GRIA4: variants seen among roughly 807,000 people sequenced by gnomAD.
GRIA4 encodes the protein glutamate ionotropic receptor AMPA type subunit 4.
GRIA4 carries 34 observed loss-of-function variants against 104.0 expected under a neutral mutation model. The observed-to-expected ratio is 0.33, with a 90% CI of 0.25 to 0.44. GRIA4 has a LOEUF of 0.44. Ranked by LOEUF, GRIA4 falls within the 20% of genes least tolerant of loss-of-function variation. GRIA4 has a pLI of 1.00. For synonymous variants in GRIA4, 386 were observed against 381.9 expected, an observed-to-expected ratio of 1.01 and a Z score of -0.13; for missense variants, 750 against 1,096.5, an observed-to-expected ratio of 0.68 and a Z score of 4.46.
chr11:105,626,205 G>A (rs766069454), intron 3 of GRIA4, among the ~76,000 whole-genome samples: 1 of 151,886 alleles, frequency 6.6e-6, no homozygotes, highest in Non-Finnish European at 1.5e-5. Context: ...AAACATAAGG[G>A]CCGTGAAATC....
intron 3 of GRIA4, among the ~76,000 whole-genome samples, chr11:105,721,476 T>C (rs1937814384): frequency 6.6e-6 from 1 of 152,114 alleles, no homozygotes; most frequent in Non-Finnish European, 1.5e-5. Context: ...TGTTTTGTTG[T>C]TTACAAAAAT....
intron 4 of GRIA4, among the ~76,000 whole-genome samples, chr11:105,804,130 C>A (rs1942843277): frequency 6.6e-6 from 1 of 151,614 alleles, no homozygotes; most frequent in Admixed American, 6.6e-5. Flanking sequence ...AATCTAGTGG[C>A]TCTCATTTAT....
In GRIA4 at chr11:105,797,876, T is replaced by G. The variant is rs766663472; in HGVS notation, c.487+44656T>G. The G allele has an allele frequency of 3.2e-5, 14 of 438,282 alleles. No individual in the cohort carries two copies. The East Asian group carries it at 7.0e-4, about 22-fold the overall frequency. The allele number at this position is 438,282 out of a possible 1,614,324, so 27.1% of individuals were successfully genotyped here. On this transcript the variant is annotated intron_variant, in intron 4 of 16. Transcript: ENST00000282499. ...ACAGAGCTCAATGTATTTAATTACT[T>G]GATTGCTGATTCAAATTTAAACAAT...
chr11:105,742,551 C>A (rs531652220), intron 3 of GRIA4, among the ~76,000 whole-genome samples: 2 of 152,032 alleles, frequency 1.3e-5, no homozygotes, highest in African/African-American at 4.8e-5. Flanking sequence ...TATACACACA[C>A]ACACACACAT....
intron 4 of GRIA4, among the ~76,000 whole-genome samples, chr11:105,811,039 G>A (rs141517701): frequency 6.6e-6 from 1 of 152,218 alleles, no homozygotes; most frequent in Non-Finnish European, 1.5e-5. Flanking sequence ...TGCAAGATGA[G>A]TGGAGGGAGA....
At chr11:105,630,384 T>C (rs576084111) in intron 3 of GRIA4, among the ~76,000 whole-genome samples, 13 of 152,016 alleles carry the variant, frequency 8.6e-5, no homozygotes, top group Non-Finnish European at 1.5e-4. Context: ...ACTGACATGG[T>C]GAGACCCCGT....
chr11:105,803,734 G>A (rs1942820266), intron 4 of GRIA4, among the ~76,000 whole-genome samples: 1 of 151,196 alleles, frequency 6.6e-6, no homozygotes, highest in Non-Finnish European at 1.5e-5. Context: ...AGCTCCTAAT[G>A]ATCCTTGCTT....
rs190167874 is a variant in GRIA4 at position 105,884,978 on chromosome 11, C to T, written c.673-2541C>T. 1.6e-4 allele frequency among the ~76,000 whole-genome samples: 23 copies of T among 146,126 alleles called. No individual in the cohort carries two copies. In the East Asian group the frequency reaches 4.5e-3, roughly 28 times the overall value. ...GTGTTAAGAAATAAGAGGCAGGGTG[C>T]GGACAGGGGCTTAGAGAGAGTGCAA... On this transcript the variant is annotated intron_variant, in intron 5 of 16. Coordinates refer to ENST00000282499, the MANE Select transcript of GRIA4 (RefSeq NM_000829.4).
At chr11:105,775,825 A>G (rs1941422823) in intron 4 of GRIA4, among the ~76,000 whole-genome samples, 1 of 152,030 alleles carries the variant, frequency 6.6e-6, no homozygotes, top group Non-Finnish European at 1.5e-5. Context: ...TTAGAAAATA[A>G]GTCCCCTCAA....
At chr11:105,931,494 G>C (rs1159375853) in intron 13 of GRIA4, among the ~76,000 whole-genome samples, 1 of 152,044 alleles carries the variant, frequency 6.6e-6, no homozygotes, top group Non-Finnish European at 1.5e-5. Flanking sequence ...CCTGAGCTCA[G>C]GAGTTCGAGA....
chr11:105,902,803 G>A (rs949982625), intron 7 of GRIA4, among the ~76,000 whole-genome samples: 7 of 152,258 alleles, frequency 4.6e-5, no homozygotes, highest in Non-Finnish European at 1.0e-4. Flanking sequence ...AGGAGATAAT[G>A]TAGTTTTTGC....
chr11:105,813,315 G>C (rs1297768558), intron 4 of GRIA4, among the ~76,000 whole-genome samples: 1 of 152,040 alleles, frequency 6.6e-6, no homozygotes, highest in Non-Finnish European at 1.5e-5. Context: ...TAATAAAGAA[G>C]ATTTCATCCA....
At chr11:105,936,409 T>A (rs1382224624) in intron 14 of GRIA4, among the ~76,000 whole-genome samples, 1 of 152,212 alleles carries the variant, frequency 6.6e-6, no homozygotes, top group Non-Finnish European at 1.5e-5. Flanking sequence ...TATCTTTTTT[T>A]AATCAGGTCT....
intron 10 of GRIA4, among the ~76,000 whole-genome samples, chr11:105,914,207 T>G (rs922774507): frequency 6.6e-6 from 1 of 151,870 alleles, no homozygotes; most frequent in African/African-American, 2.4e-5. Flanking sequence ...TTAAATTTTT[T>G]CAGCCATTAG....
chr11:105,739,149 TGGA>T (rs1939152641), intron 3 of GRIA4, among the ~76,000 whole-genome samples: 1 of 152,148 alleles, frequency 6.6e-6, no homozygotes, highest in South Asian at 2.1e-4. Flanking sequence ...TTACACTGAA[TGGA>T]ATCTTGCTCC....
chr11:105,861,296 G>A (rs1945216505), intron 4 of GRIA4, among the ~76,000 whole-genome samples: 1 of 152,052 alleles, frequency 6.6e-6, no homozygotes. Flanking sequence ...CATCCAGACA[G>A]CTCTAACCAA....
chr11:105,762,196 G>A (rs968316023), intron 4 of GRIA4, among the ~76,000 whole-genome samples: 23 of 151,854 alleles, frequency 1.5e-4, no homozygotes, highest in African/African-American at 5.6e-4. Context: ...GCTAATTTTT[G>A]TATTTTTAGT....
rs377767108 is a variant in GRIA4, at chr11:105,671,677, C to CAAAAAAA, written c.247+59261_247+59267dup. Among the ~76,000 whole-genome samples the CAAAAAAA allele has an allele frequency of 1.9e-3, 120 of 64,560 alleles. 16 individuals are homozygous for CAAAAAAA. Among genetic ancestry groups the CAAAAAAA allele is most frequent in the African/African-American group, 6.8e-3 (97 of 14,290 alleles). 42.4% of individuals were successfully genotyped at this position (64,560 alleles called of 152,430 possible). A position where few individuals can be genotyped will look rare whatever the true frequency, so the allele number is the denominator to read the frequency against. ...TGGGTGACAGAGTGAGACTCTGTCT[C>CAAAAAAA]AAAAAAAAAAAAAAAAAAAAAAAAG... On this transcript the variant is annotated intron_variant, in intron 3 of 16. Transcript: ENST00000282499.
chr11:105,731,812 GT>G (rs990072593), intron 3 of GRIA4, among the ~76,000 whole-genome samples: 5 of 152,046 alleles, frequency 3.3e-5, no homozygotes, highest in African/African-American at 1.2e-4. Context: ...TCACTCATAA[GT>G]GGGAGTTGAA....
Sources: gnomAD v4.1 joint callset for allele counts (sites outside exome capture counted in the v4.1 genomes callset) on GRCh38, gnomAD v4.1.1 for gene constraint, MANE v1.5 for transcripts, NCBI Gene and HGNC (gene_info 2026-07-23, HGNC 2026-07-21) for gene names.